Variants in CNTN6 observed in about 807,000 individuals in gnomAD.
The protein encoded by CNTN6 is contactin 6, also known as contactin-6.
Under a neutral mutation model 122.8 loss-of-function variants are expected in CNTN6, and 137 were observed. That is an observed-to-expected ratio of 1.12 (90% CI 0.97 to 1.29). CNTN6 has a LOEUF of 1.29. CNTN6 is among the 50% of genes most tolerant of loss of function. The probability of loss-of-function intolerance (pLI) is 0.00; values close to 1 mark genes in which losing one functional copy is unlikely to be tolerated. For synonymous variants in CNTN6, 570 were observed against 426.0 expected, an observed-to-expected ratio of 1.34 and a Z score of -4.16; for missense variants, 1,634 against 1,223.4, an observed-to-expected ratio of 1.34 and a Z score of -5.01.
chr3:1,327,633 A>C, intron 10 of CNTN6, 47 bp downstream of exon 10: 1 of 1,592,740 alleles, frequency 6.3e-7, no homozygotes, highest in Non-Finnish European at 8.6e-7. Flanking sequence ...ACGTTTTAAC[A>C]AGCTATAATT....
At chr3:1,174,427 C>G (rs1317304568) in intron 2 of CNTN6, among the ~76,000 whole-genome samples, 3 of 152,074 alleles carry the variant, frequency 2.0e-5, no homozygotes, top group Non-Finnish European at 4.4e-5. Flanking sequence ...GAAACTCAAA[C>G]GGAAATTTTT....
intron 1 of CNTN6, among the ~76,000 whole-genome samples, chr3:1,119,353 G>GTGTGTGTGTGTGTGTGT (rs377642286): frequency 2.6e-4 from 39 of 150,244 alleles, no homozygotes; most frequent in Non-Finnish European, 4.0e-4. Flanking sequence ...GTGTGTGTGT[G>GTGTGTGTGTGTGTGTGT]GAGAATGTCT....
intron 20 of CNTN6, among the ~76,000 whole-genome samples, chr3:1,395,405 C>G (rs1694862343): frequency 1.3e-5 from 2 of 152,090 alleles, no homozygotes; most frequent in Non-Finnish European, 2.9e-5. Context: ...TAATTTGTTT[C>G]CTGTTTTCTG....
Position 1,295,654 on chromosome 3 carries a change from AATAGGCGATTTGTATCT to A in CNTN6, c.509_525del (p.Asn170ThrfsTer25). The A allele has an allele frequency of 6.2e-7, 1 of 1,613,990 alleles. No individual in the cohort carries two copies. The highest frequency in any genetic ancestry group is 8.5e-7 in the Non-Finnish European group (1 of 1,179,916). ...TAACCCCTTATACGTCCAAGAGGAC[AATAGGCGATTTGTATCT>A]CAAGAGACGGGAAACTTGTACATTG... On this transcript the variant is annotated frameshift_variant, in exon 6 of 23. Coordinates refer to ENST00000446702, the MANE Select transcript of CNTN6 (RefSeq NM_001289080.2). LOFTEE classifies it high-confidence loss of function.
intron 2 of CNTN6, among the ~76,000 whole-genome samples, chr3:1,217,120 G>T (rs970759869): frequency 2.0e-5 from 3 of 152,100 alleles, no homozygotes; most frequent in African/African-American, 4.8e-5. Flanking sequence ...TAATAACAAG[G>T]ACACAGAAGA....
chr3:1,374,176 ATTGT>A, intron 16 of CNTN6, 103 bp downstream of exon 16: 3 of 1,221,214 alleles, frequency 2.5e-6, no homozygotes, highest in East Asian at 2.7e-5. Flanking sequence ...TTGGCTCAAA[ATTGT>A]TTGGCAGTAA....
chr3:1,262,212 T>C (rs1397763419), intron 4 of CNTN6, among the ~76,000 whole-genome samples: 1 of 152,106 alleles, frequency 6.6e-6, no homozygotes. Context: ...GAGGACTTCA[T>C]GGTAGGCTCA....
In CNTN6 at chr3:1,403,471, A is replaced by C. The variant is rs1695994438; in HGVS notation, c.*53A>C. 4 of 1,155,340 alleles carry C rather than the reference A, an allele frequency of 3.5e-6. No individual in the cohort carries two copies. In the East Asian group the frequency reaches 9.5e-5, roughly 27 times the overall value. 71.6% of individuals were successfully genotyped at this position (1,155,340 alleles called of 1,614,324 possible). On this transcript the variant is annotated 3_prime_UTR_variant, in exon 23 of 23. Transcript: ENST00000446702. ...TTTTTGAAAGCAAATCATTCTGTAT[A>C]TATGCTCTCCAGCCTCTGACACAAG... is the stretch of plus-strand genomic sequence containing the variant.
At chr3:1,381,231 A>ATTC (rs1451835072) in intron 17 of CNTN6, among the ~76,000 whole-genome samples, 1 of 152,194 alleles carries the variant, frequency 6.6e-6, no homozygotes, top group Non-Finnish European at 1.5e-5. Flanking sequence ...AGTAGCATCG[A>ATTC]TTCTTATAAA....
chr3:1,352,281 G>A, intron 11 of CNTN6, 43 bp from the exon 12 acceptor site: 1 of 1,447,124 alleles, frequency 6.9e-7, no homozygotes, highest in African/African-American at 1.4e-5. Context: ...ATTTACCAGT[G>A]TTGAAGAGCC....
intron 7 of CNTN6, among the ~76,000 whole-genome samples, chr3:1,308,056 G>C (rs1036771657): frequency 6.6e-6 from 1 of 151,996 alleles, no homozygotes; most frequent in Non-Finnish European, 1.5e-5. Flanking sequence ...AGAATAATGA[G>C]ACTATAGAAT....
rs1709411797 is a variant in CNTN6, at chr3:1,373,592, A to T, written c.1787-12A>T. 2 of 1,608,900 alleles carry T rather than the reference A, an allele frequency of 1.2e-6. No individual in the cohort carries two copies. The highest frequency in any genetic ancestry group is 1.7e-6 in the Non-Finnish European group (2 of 1,177,756). The stretch of plus-strand genomic sequence containing the variant: ...ATCTCCAATGGAGTCATGATAAAAC[A>T]TTTTTTTCAAGGTCCACCAGGTCCT... On this transcript the variant is annotated splice_polypyrimidine_tract_variant and intron_variant, in intron 14 of 22. Transcript: ENST00000446702.
intron 1 of CNTN6, among the ~76,000 whole-genome samples, chr3:1,101,532 A>C (rs1013783762): frequency 2.6e-5 from 4 of 152,166 alleles, no homozygotes; most frequent in Admixed American, 6.5e-5. Flanking sequence ...AAAGTCATCA[A>C]ACTCTCACTT....
At chr3:1,236,765 G>A (rs777686523) in intron 4 of CNTN6, among the ~76,000 whole-genome samples, 18 of 152,172 alleles carry the variant, frequency 1.2e-4, no homozygotes, top group Non-Finnish European at 2.1e-4. Context: ...TAATTCAGAA[G>A]GTTAATTATT....
At chr3:1,254,298 C>T (rs1164382167) in intron 4 of CNTN6, among the ~76,000 whole-genome samples, 1 of 152,014 alleles carries the variant, frequency 6.6e-6, no homozygotes, top group Non-Finnish European at 1.5e-5. Context: ...ATATAAATGT[C>T]ATCAGAGTAC....
intron 4 of CNTN6, among the ~76,000 whole-genome samples, chr3:1,250,639 C>G (rs1029027282): frequency 1.3e-5 from 2 of 152,182 alleles, no homozygotes; most frequent in Non-Finnish European, 2.9e-5. Context: ...CTACATAGAG[C>G]TCTGAATGTT....
rs574247186 is a variant in CNTN6, at chr3:1,272,113, C to A, written c.359-6300C>A. Among the ~76,000 whole-genome samples, 4 of 152,326 alleles carry A rather than the reference C, an allele frequency of 2.6e-5. No homozygotes were observed. In the East Asian group the frequency reaches 7.7e-4, roughly 29 times the overall value. ...CTGTCTTGCCTGCCGCCATGTAAGA[C>A]ATGCCTTTGCTCCTCCTTCACCTTC... On this transcript the variant is annotated intron_variant, in intron 4 of 22. Coordinates refer to ENST00000446702, the MANE Select transcript of CNTN6 (RefSeq NM_001289080.2).
chr3:1,285,090 A>C (rs1215745092), intron 5 of CNTN6, among the ~76,000 whole-genome samples: 1 of 152,216 alleles, frequency 6.6e-6, no homozygotes, highest in African/African-American at 2.4e-5. Flanking sequence ...GCAAGAACAT[A>C]AGCAGTTAAA....
intron 4 of CNTN6, among the ~76,000 whole-genome samples, chr3:1,262,334 G>A (rs1170697744): frequency 1.3e-5 from 2 of 152,120 alleles, no homozygotes; most frequent in African/African-American, 4.8e-5. Flanking sequence ...TGATCAGCTG[G>A]GAAGACAGTG....
Sources: allele counts gnomAD v4.1 joint callset (sites outside exome capture counted in the v4.1 genomes callset), GRCh38; gene constraint gnomAD v4.1.1; transcripts MANE v1.5; gene names NCBI Gene and HGNC (gene_info 2026-07-23, HGNC 2026-07-21).